The following TNRC6B variants were observed in gnomAD, a reference collection of about 807,000 sequenced individuals.
TNRC6B encodes the protein trinucleotide repeat containing adaptor 6B, also known as trinucleotide repeat-containing gene 6B protein.
In TNRC6B, 52 loss-of-function variants were observed where a neutral mutation model predicts 203.6. The observed-to-expected ratio is 0.26, with a 90% CI of 0.20 to 0.32. The LOEUF (loss-of-function observed/expected upper bound fraction) is 0.32. TNRC6B is among the 10% of genes least tolerant of loss of function. The pLI, the probability that TNRC6B is intolerant of heterozygous loss-of-function variation, is 1.00. For missense variants in TNRC6B, 1,923 were observed against 2,286.2 expected (o/e 0.84, Z 3.24); for synonymous variants, 838 against 845.7 (o/e 0.99, Z 0.16).
intron 1 of TNRC6B, among the ~76,000 whole-genome samples, chr22:40,201,101 G>A (rs2069406669): frequency 6.6e-6 from 1 of 152,198 alleles, no homozygotes; most frequent in African/African-American, 2.4e-5. Context: ...CTGGTAAATG[G>A]TAGCTCCCAC....
intron 1 of TNRC6B, among the ~76,000 whole-genome samples, chr22:40,207,529 A>T (rs996669921): frequency 3.3e-5 from 5 of 151,398 alleles, no homozygotes; most frequent in African/African-American, 1.2e-4. Context: ...ACCAAATGAC[A>T]TTATGGCCAA....
rs753818959 is a variant in TNRC6B, at chr22:40,265,426, G to A, written c.1196G>A (p.Gly399Asp). The change falls in exon 5 of 23, where the codon GGC becomes GAC. Residue 399 changes from glycine (G) to aspartate (D), a missense_variant. Coordinates refer to ENST00000454349, the MANE Select transcript of TNRC6B (RefSeq NM_001162501.2). ...AATAAGGGAATGCCCTTTGGAATGG[G>A]CTTGGGGAACACCTCCAGGAGCACT... ...MENKGMPFGM[G>D]LGNTSRSTDA... is the part of the protein sequence containing the mutation. 1.9e-6 allele frequency: 3 copies of A among 1,613,890 alleles called. No individual in the cohort carries two copies. In the East Asian group the frequency reaches 6.7e-5, roughly 36 times the overall value.
intron 1 of TNRC6B, among the ~76,000 whole-genome samples, chr22:40,243,708 C>G (rs1601914806): frequency 6.6e-6 from 1 of 152,182 alleles, no homozygotes; most frequent in East Asian, 1.9e-4. Context: ...CCTCCGCCTC[C>G]CAAGTAGCTG....
At chr22:40,176,437 T>C (rs916718667), upstream of TNRC6B, among the ~76,000 whole-genome samples, 1 of 152,082 alleles carries the variant, frequency 6.6e-6, no homozygotes, top group Non-Finnish European at 1.5e-5. Context: ...TCATGCGCTT[T>C]TTACCATTTT....
At position 40,274,980 on chromosome 22, in the gene TNRC6B, G is replaced by A. The variant is rs896068041; in HGVS notation, c.3141+1380G>A. Reference sequence around the variant, plus strand: ...TGAGAGTCTTGGCACCCTATGAAACGGTTCACAGCTAATATTCTCCCACGT... The same window carrying A: ...TGAGAGTCTTGGCACCCTATGAAACAGTTCACAGCTAATATTCTCCCACGT... On this transcript the variant is annotated intron_variant, in intron 7 of 22. Coordinates refer to ENST00000454349, the MANE Select transcript of TNRC6B (RefSeq NM_001162501.2). Among the ~76,000 whole-genome samples, 9 of 152,244 alleles carry A rather than the reference G, an allele frequency of 5.9e-5. No individual in the cohort carries two copies. The South Asian group carries it at 1.5e-3, about 25-fold the overall frequency.
At chr22:40,078,407 C>A (rs1407452876) in intron 1 of TNRC6B, among the ~76,000 whole-genome samples, 1 of 151,964 alleles carries the variant, frequency 6.6e-6, no homozygotes, top group South Asian at 2.1e-4. Flanking sequence ...GCCTGTAGTC[C>A]CAGCTACTTG....
intron 2 of TNRC6B, among the ~76,000 whole-genome samples, chr22:40,250,842 T>TAGAA (rs1478101186): frequency 1.3e-5 from 2 of 152,182 alleles, no homozygotes; most frequent in Non-Finnish European, 2.9e-5. Context: ...ATTTAGTTTC[T>TAGAA]GGGCCACATT....
intron 1 of TNRC6B, among the ~76,000 whole-genome samples, chr22:40,101,703 G>C (rs2068242647): frequency 1.3e-5 from 2 of 152,302 alleles, no homozygotes; most frequent in South Asian, 4.1e-4. Flanking sequence ...TGGGACAAAG[G>C]ACAGGAAGCA....
chr22:40,183,074 C>T (rs1195599836), intron 1 of TNRC6B, among the ~76,000 whole-genome samples: 2 of 145,836 alleles, frequency 1.4e-5, no homozygotes, highest in African/African-American at 5.2e-5. Context: ...TCTAGAACGG[C>T]TTGGCAGGAG....
rs2044021039 is a variant in TNRC6B at position 40,335,289 on chromosome 22, A to G, written c.*12048A>G. 1 of 149,390 alleles carries G rather than the reference A, an allele frequency of 6.7e-6. No homozygotes were observed. Among genetic ancestry groups the G allele is most frequent in the African/African-American group, 2.5e-5 (1 of 40,438 alleles). The allele number at this position is 149,390 out of a possible 1,614,324, so 9.3% of individuals were successfully genotyped here. On this transcript the variant is annotated 3_prime_UTR_variant, in exon 23 of 23. Transcript: ENST00000454349. ...CTAGGCACTTTAGAGGTGCACTTGC[A>G]TGGCAGGCTGGGCCCCCTTTTCTAT...
chr22:40,225,152 CT>C (rs898933118), intron 1 of TNRC6B, among the ~76,000 whole-genome samples: 41 of 152,210 alleles, frequency 2.7e-4, no homozygotes, highest in African/African-American at 9.9e-4. Flanking sequence ...AAAGGCTGTG[CT>C]TTTTCTCTTG....
intron 3 of TNRC6B, among the ~76,000 whole-genome samples, chr22:40,145,571 T>A (rs2068686968): frequency 6.6e-6 from 1 of 152,084 alleles, no homozygotes; most frequent in Non-Finnish European, 1.5e-5. Context: ...CGGCTGGGCA[T>A]GGTGGTTCAC....
In TNRC6B at chr22:40,106,355, C is replaced by T. The variant is rs1036366298; in HGVS notation, c.-120-10700C>T. 6.7e-6 allele frequency: 8 copies of T among 1,196,758 alleles called. No homozygotes were observed. In the African/African-American group the frequency reaches 1.1e-4, roughly 16 times the overall value. 74.1% of individuals were successfully genotyped at this position (1,196,758 alleles called of 1,614,324 possible). A position where few individuals can be genotyped will look rare whatever the true frequency, so the allele number is the denominator to read the frequency against. On this transcript the variant is annotated intron_variant, in intron 1 of 23. Coordinates refer to the TNRC6B transcript ENST00000301923. ...TTCTAATAAGCCTGTTGATCTGGTC[C>T]TTCTTGTTGCCAGCATCTCCACCTT... is the stretch of plus-strand genomic sequence containing the variant.
intron 3 of TNRC6B, among the ~76,000 whole-genome samples, chr22:40,127,551 C>T (rs1451485964): frequency 6.6e-6 from 1 of 152,104 alleles, no homozygotes; most frequent in East Asian, 1.9e-4. Context: ...CACCCTTCCT[C>T]AAGATCCTAA....
chr22:40,212,758 C>T (rs996108775), intron 1 of TNRC6B, among the ~76,000 whole-genome samples: 5 of 152,166 alleles, frequency 3.3e-5, no homozygotes, highest in African/African-American at 7.2e-5. Context: ...AAGCGATTCT[C>T]GTGCCTCAGC....
In TNRC6B at chr22:40,265,807, G is replaced by A; in HGVS notation, c.1577G>A (p.Ser526Asn). The A allele has an allele frequency of 6.2e-7, 1 of 1,613,994 alleles. No individual in the cohort carries two copies. The highest frequency in any genetic ancestry group is 8.5e-7 in the Non-Finnish European group (1 of 1,179,902). The change falls in exon 5 of 23, where the codon AGT becomes AAT. Residue 526 changes from serine to asparagine, a missense_variant. By Grantham distance (46) the Ser-to-Asn change is conservative. Transcript: ENST00000454349. ...GATGAGTTGAAAATTGGAGAATGGA[G>A]TGGTCCAAACCAACCAAATTCTAGC... ...GSDELKIGEWSGPNQPNSSTG... is the reference protein window; with the variant it reads ...GSDELKIGEWNGPNQPNSSTG...
chr22:40,143,084 T>C (rs2068658772), intron 3 of TNRC6B, among the ~76,000 whole-genome samples: 1 of 152,188 alleles, frequency 6.6e-6, no homozygotes, highest in Non-Finnish European at 1.5e-5. Context: ...AGTTGGTCAG[T>C]TGAATTTCAT....
rs191243375 is a variant in TNRC6B at position 40,219,048 on chromosome 22, C to A, written c.6-26967C>A. Among the ~76,000 whole-genome samples the A allele has an allele frequency of 1.3e-4, 20 of 152,352 alleles. No individual in the cohort carries two copies. In the East Asian group the frequency reaches 3.3e-3, roughly 25 times the overall value. On this transcript the variant is annotated intron_variant, in intron 1 of 22. Coordinates refer to ENST00000454349, the MANE Select transcript of TNRC6B (RefSeq NM_001162501.2). ...AGGCAGATGACATCATACACACAAG[C>A]ACAAAAGTATTAAGTTGCTGTCAAA...
chr22:40,153,594 AG>A (rs1477710134), intron 3 of TNRC6B, among the ~76,000 whole-genome samples: 1 of 151,778 alleles, frequency 6.6e-6, no homozygotes, highest in Non-Finnish European at 1.5e-5. Flanking sequence ...GGTAATTATT[AG>A]TTCCAGGGAA....
Sources: allele counts gnomAD v4.1 joint callset (sites outside exome capture counted in the v4.1 genomes callset), GRCh38; gene constraint gnomAD v4.1.1; transcripts MANE v1.5; gene names NCBI Gene and HGNC (gene_info 2026-07-23, HGNC 2026-07-21).